PPP1R12A: variants seen among roughly 807,000 people sequenced by gnomAD.
PPP1R12A encodes the protein protein phosphatase 1 regulatory subunit 12A.
In PPP1R12A, 19 loss-of-function variants were observed where a neutral mutation model predicts 139.6. The ratio of observed to expected loss-of-function variants is 0.14; its 90% CI spans 0.09 to 0.20. The LOEUF is 0.20. PPP1R12A is among the 10% of genes least tolerant of loss of function. PPP1R12A has a pLI of 1.00. For synonymous variants in PPP1R12A, 427 were observed against 420.6 expected, an observed-to-expected ratio of 1.02 and a Z score of -0.19; for missense variants, 925 against 1,211.5, an observed-to-expected ratio of 0.76 and a Z score of 3.51.
At chr12:79,900,404 T>A (rs184745304) in intron 1 of PPP1R12A, among the ~76,000 whole-genome samples, 56 of 152,300 alleles carry the variant, frequency 3.7e-4, no homozygotes, top group Admixed American at 1.4e-3. Context: ...GCTTTGTGAA[T>A]TCATTGATGG....
chr12:79,912,308 T>C (rs1476597026), intron 1 of PPP1R12A, among the ~76,000 whole-genome samples: 1 of 152,216 alleles, frequency 6.6e-6, no homozygotes, highest in Non-Finnish European at 1.5e-5. Context: ...ATACATTTAA[T>C]GAGAAGAGGG....
chr12:79,845,469 A>G, intron 2 of PPP1R12A, 49 bp from the exon 3 acceptor site: 1 of 1,292,886 alleles, frequency 7.7e-7, no homozygotes, highest in Non-Finnish European at 1.1e-6. Context: ...TATCATTGAA[A>G]TAAAACTAAA....
chr12:79,821,855 C>T (rs1876152859), intron 6 of PPP1R12A, among the ~76,000 whole-genome samples: 1 of 151,782 alleles, frequency 6.6e-6, no homozygotes, highest in African/African-American at 2.4e-5. Flanking sequence ...AAGTAAAACA[C>T]TCTAATGAAA....
rs1428592803 is a variant in PPP1R12A, at chr12:79,797,078, T to TA, written c.2292+116dup. On this transcript the variant is annotated intron_variant, in intron 16 of 24. Coordinates refer to ENST00000450142, the MANE Select transcript of PPP1R12A (RefSeq NM_002480.3). ...CGCCAAAGTAATTCAAATTTCCAGC[T>TA]AAAATCCTTTACAGTATTTTGCATA... The TA allele has an allele frequency of 2.2e-6, 3 of 1,344,906 alleles. No individual in the cohort carries two copies. In the African/African-American group the frequency reaches 4.5e-5, roughly 20 times the overall value. 83.3% of individuals were successfully genotyped at this position (1,344,906 alleles called of 1,614,324 possible). A position where few individuals can be genotyped will look rare whatever the true frequency, so the allele number is the denominator to read the frequency against.
intron 2 of PPP1R12A, among the ~76,000 whole-genome samples, chr12:79,852,631 A>G (rs1880190227): frequency 6.6e-6 from 1 of 152,080 alleles, no homozygotes; most frequent in African/African-American, 2.4e-5. Flanking sequence ...TCATTTCGGC[A>G]AGTTGGGGGT....
At position 79,935,010 on chromosome 12, in the gene PPP1R12A, G is replaced by A. The variant is rs1358656225; in HGVS notation, c.-79C>T. On this transcript the variant is annotated 5_prime_UTR_variant, in exon 1 of 25. Transcript: ENST00000450142. ...AGAGGGAAGAGAGGGGAGGCAGGGG[G>A]TGTGTGAATGTTTCTATGAGTGCGG... 4.7e-6 allele frequency: 7 copies of A among 1,481,012 alleles called. No homozygotes were observed. The highest frequency in any genetic ancestry group is 2.8e-5 in the African/African-American group (2 of 71,764). The allele number at this position is 1,481,012 out of a possible 1,614,324, so 91.7% of individuals were successfully genotyped here. A position where few individuals can be genotyped will look rare whatever the true frequency, so the allele number is the denominator to read the frequency against.
At chr12:79,855,415 C>T (rs1184175349) in intron 2 of PPP1R12A, among the ~76,000 whole-genome samples, 1 of 152,076 alleles carries the variant, frequency 6.6e-6, no homozygotes, top group Non-Finnish European at 1.5e-5. Context: ...GTCTTTGTTA[C>T]TGTGAATAGT....
chr12:79,889,189 T>A (rs2137414684), intron 1 of PPP1R12A, among the ~76,000 whole-genome samples: 1 of 152,314 alleles, frequency 6.6e-6, no homozygotes, highest in South Asian at 2.1e-4. Context: ...TTTGTTCACA[T>A]ATGGATTATC....
At chr12:79,889,568 G>C (rs1481204421) in intron 1 of PPP1R12A, among the ~76,000 whole-genome samples, 1 of 152,104 alleles carries the variant, frequency 6.6e-6, no homozygotes, top group Non-Finnish European at 1.5e-5. Flanking sequence ...TTGCTATTTT[G>C]ATACAATTCT....
chr12:79,928,293 G>A (rs953418001), intron 1 of PPP1R12A, among the ~76,000 whole-genome samples: 4 of 152,176 alleles, frequency 2.6e-5, no homozygotes, highest in African/African-American at 7.2e-5. Flanking sequence ...CCACAAAAGT[G>A]TTGCCAGGAA....
chr12:79,912,891 A>G (rs774393480), intron 1 of PPP1R12A, among the ~76,000 whole-genome samples: 14 of 152,240 alleles, frequency 9.2e-5, no homozygotes, highest in African/African-American at 2.9e-4. Flanking sequence ...TTGCTACTGC[A>G]TAAGTACAAC....
chr12:79,892,271 T>A (rs1456429253), intron 1 of PPP1R12A, among the ~76,000 whole-genome samples: 1 of 152,176 alleles, frequency 6.6e-6, no homozygotes, highest in African/African-American at 2.4e-5. Flanking sequence ...TTCAAAGCTC[T>A]AATAACACTA....
chr12:79,837,419 A>G (rs979000912), intron 3 of PPP1R12A, among the ~76,000 whole-genome samples: 2 of 152,234 alleles, frequency 1.3e-5, no homozygotes, highest in African/African-American at 2.4e-5. Flanking sequence ...TTATTTAAGC[A>G]TAACTAGTTA....
At chr12:79,920,803 G>A (rs942678697) in intron 1 of PPP1R12A, among the ~76,000 whole-genome samples, 3 of 152,186 alleles carry the variant, frequency 2.0e-5, no homozygotes, top group Non-Finnish European at 2.9e-5. Context: ...CAGGCAAGAA[G>A]GCTCTCACCA....
At chr12:79,816,179 T>C (rs1381642061) in intron 9 of PPP1R12A, among the ~76,000 whole-genome samples, 1 of 152,118 alleles carries the variant, frequency 6.6e-6, no homozygotes, top group Non-Finnish European at 1.5e-5. Flanking sequence ...AAACACAATG[T>C]ACAATCCAAG....
At chr12:79,829,355 T>C (rs1164288851) in intron 4 of PPP1R12A, among the ~76,000 whole-genome samples, 1 of 152,112 alleles carries the variant, frequency 6.6e-6, no homozygotes, top group African/African-American at 2.4e-5. Context: ...CAGGAGGTGG[T>C]AGTGACAGCT....
chr12:79,805,296 T>G (rs1033978432), intron 14 of PPP1R12A, among the ~76,000 whole-genome samples: 1 of 152,220 alleles, frequency 6.6e-6, no homozygotes, highest in Non-Finnish European at 1.5e-5. Context: ...CAGTTCTTCA[T>G]CAAAAAATTT....
intron 1 of PPP1R12A, among the ~76,000 whole-genome samples, chr12:79,914,718 T>C (rs1399122686): frequency 2.0e-5 from 3 of 152,104 alleles, no homozygotes; most frequent in Admixed American, 2.0e-4. Context: ...GATGGATCAT[T>C]TGGTCCCTTT....
intron 1 of PPP1R12A, among the ~76,000 whole-genome samples, chr12:79,899,263 T>A (rs1327691764): frequency 4.4e-4 from 5 of 11,250 alleles, no homozygotes; most frequent in African/African-American, 1.4e-3. Flanking sequence ...TATATATATA[T>A]ATATATATAT....
Sources: allele counts gnomAD v4.1 joint callset (sites outside exome capture counted in the v4.1 genomes callset), GRCh38; gene constraint gnomAD v4.1.1; transcripts MANE v1.5; gene names NCBI Gene and HGNC (gene_info 2026-07-23, HGNC 2026-07-21).